ATP10D: variants seen among roughly 807,000 people sequenced by gnomAD.
The protein encoded by ATP10D is ATPase phospholipid transporting 10D (putative).
ATP10D carries 89 observed loss-of-function variants against 144.8 expected under a neutral mutation model. The ratio of observed to expected loss-of-function variants is 0.61; its 90% CI spans 0.52 to 0.73. The LOEUF is 0.73. ATP10D is among the 30% of genes least tolerant of loss of function. ATP10D has a pLI of 0.00. For missense variants in ATP10D, 1,603 were observed against 1,714.8 expected, an observed-to-expected ratio of 0.93 and a Z score of 1.15; for synonymous variants, 571 against 615.1, an observed-to-expected ratio of 0.93 and a Z score of 1.06.
rs548073429 is a variant in ATP10D at position 47,522,870 on chromosome 4, C to T, written c.486-142C>T. 3,037 of 712,916 alleles carry T rather than the reference C, an allele frequency of 4.3e-3. 49 individuals carry two copies. Among genetic ancestry groups the T allele is most frequent in the Admixed American group, 0.042 (1,425 of 34,010 alleles). The allele number at this position is 712,916 out of a possible 1,614,324, so 44.2% of individuals were successfully genotyped here. On this transcript the variant is annotated intron_variant, in intron 3 of 22. Coordinates refer to ENST00000273859, the MANE Select transcript of ATP10D (RefSeq NM_020453.4). ...AGGCGTGAGCCAACTTGCCTGGCCC[C>T]TTTGAGCATTTAATAGATTAAAATT...
intron 1 of ATP10D, among the ~76,000 whole-genome samples, chr4:47,504,842 ATTC>A (rs1715934650): frequency 6.6e-6 from 1 of 152,230 alleles, no homozygotes; most frequent in East Asian, 1.9e-4. Context: ...TTCCTATCTT[ATTC>A]TTAGAAATCC....
intron 7 of ATP10D, 99 bp from the exon 8 acceptor site, chr4:47,536,338 C>A: frequency 1.4e-6 from 2 of 1,448,812 alleles, no homozygotes; most frequent in Non-Finnish European, 9.4e-7. Context: ...GATGTCCAAC[C>A]AAAATGAATA....
At chr4:47,542,856 G>A (rs944932614) in intron 9 of ATP10D, among the ~76,000 whole-genome samples, 59 of 152,176 alleles carry the variant, frequency 3.9e-4, no homozygotes, top group African/African-American at 1.3e-3. Flanking sequence ...TTTTGCAATT[G>A]TACTGACTGA....
At position 47,592,401 on chromosome 4, in the gene ATP10D, G is replaced by C. The variant is rs971725115; in HGVS notation, c.*1020G>C. The C allele has an allele frequency of 2.0e-5, 3 of 152,558 alleles. No homozygotes were observed. The highest frequency in any genetic ancestry group is 4.4e-5 in the Non-Finnish European group (3 of 68,006). The allele number at this position is 152,558 out of a possible 1,614,324, so 9.5% of individuals were successfully genotyped here. On this transcript the variant is annotated 3_prime_UTR_variant, in exon 23 of 23. Transcript: ENST00000273859. ...CAAGTTGTTCTCTGGAGGTTTCTAT[G>C]AGGTTCTTAGAAAAATTTGGTTTTA...
intron 2 of ATP10D, among the ~76,000 whole-genome samples, chr4:47,513,600 G>A (rs1373124507): frequency 6.6e-6 from 1 of 152,174 alleles, no homozygotes; most frequent in Admixed American, 6.5e-5. Context: ...GGAGGAAGGA[G>A]TATGAATAAT....
intron 9 of ATP10D, among the ~76,000 whole-genome samples, chr4:47,543,562 G>C (rs1384505546): frequency 6.6e-6 from 1 of 152,126 alleles, no homozygotes; most frequent in Non-Finnish European, 1.5e-5. Flanking sequence ...ACCCCCAGGG[G>C]ACAAATTCAC....
At chr4:47,520,603 C>T (rs779121035) in intron 3 of ATP10D, among the ~76,000 whole-genome samples, 3 of 151,904 alleles carry the variant, frequency 2.0e-5, no homozygotes, top group African/African-American at 4.8e-5. Context: ...CTTGCTCTGT[C>T]TCAAAAACAG....
At chr4:47,507,614 A>T (rs531206857) in intron 1 of ATP10D, among the ~76,000 whole-genome samples, 11 of 152,334 alleles carry the variant, frequency 7.2e-5, no homozygotes, top group Admixed American at 2.6e-4. Flanking sequence ...GGATGTCTTT[A>T]TGTTCTTTTC....
chr4:47,492,831 A>G (rs931216895), intron 1 of ATP10D, among the ~76,000 whole-genome samples: 1 of 152,168 alleles, frequency 6.6e-6, no homozygotes, highest in African/African-American at 2.4e-5. Flanking sequence ...TCTTCATCAC[A>G]TATCCAGTAA....
chr4:47,577,542 G>A (rs1405763643), intron 19 of ATP10D, among the ~76,000 whole-genome samples: 2 of 84,516 alleles, frequency 2.4e-5, no homozygotes, highest in South Asian at 3.6e-4. Flanking sequence ...AAGATAATAC[G>A]GTACAACTTC....
intron 1 of ATP10D, among the ~76,000 whole-genome samples, chr4:47,504,771 G>A (rs7692584): frequency 0.18 from 27,292 of 152,078 alleles, 3,178 homozygotes; most frequent in East Asian, 0.62. Flanking sequence ...CACCGTGTTA[G>A]CCAAAATGGT....
At chr4:47,524,696 T>C (rs1717142769) in intron 4 of ATP10D, among the ~76,000 whole-genome samples, 1 of 152,210 alleles carries the variant, frequency 6.6e-6, no homozygotes, top group African/African-American at 2.4e-5. Context: ...CCTCTTTGTG[T>C]CTCTTTCCTC....
At chr4:47,493,694 C>T (rs2109382229) in intron 1 of ATP10D, among the ~76,000 whole-genome samples, 1 of 152,284 alleles carries the variant, frequency 6.6e-6, no homozygotes, top group African/African-American at 2.4e-5. Context: ...GTGTGGCCCC[C>T]AGAGTAGGCC....
At chr4:47,544,044 TA>T (rs35146496) in intron 9 of ATP10D, among the ~76,000 whole-genome samples, 35,695 of 152,074 alleles carry the variant, frequency 0.23, 4,182 homozygotes, top group Admixed American at 0.3. Flanking sequence ...GGCCATGTGT[TA>T]AAAATTGGCC....
At chr4:47,552,253 G>T (rs1718764676) in intron 10 of ATP10D, among the ~76,000 whole-genome samples, 1 of 152,154 alleles carries the variant, frequency 6.6e-6, no homozygotes, top group Non-Finnish European at 1.5e-5. Flanking sequence ...GCAGCCATCG[G>T]ATTCCCTGAA....
chr4:47,584,101 A>G lies in ATP10D; in HGVS notation c.3753+2037A>G, dbSNP rs190586776. Among the ~76,000 whole-genome samples, 254 of 152,292 alleles carry G rather than the reference A, an allele frequency of 1.7e-3. 1 individual carries two copies. Among genetic ancestry groups the G allele is most frequent in the Non-Finnish European group, 1.7e-3 (118 of 68,002 alleles). On this transcript the variant is annotated intron_variant, in intron 21 of 22. Coordinates refer to ENST00000273859, the MANE Select transcript of ATP10D (RefSeq NM_020453.4). ...AAGATAAACAGAGACTGCTGTTTAA[A>G]GGATGCATCATTAGAGAATTGTTTC... is the stretch of plus-strand genomic sequence containing the variant.
At chr4:47,531,592 A>G (rs1307893710) in intron 5 of ATP10D, among the ~76,000 whole-genome samples, 1 of 152,190 alleles carries the variant, frequency 6.6e-6, no homozygotes, top group African/African-American at 2.4e-5. Flanking sequence ...AAGTCCTTCC[A>G]TGGAAATTTT....
At chr4:47,542,620 G>GGC (rs1269210742) in intron 9 of ATP10D, among the ~76,000 whole-genome samples, 1 of 152,020 alleles carries the variant, frequency 6.6e-6, no homozygotes, top group Non-Finnish European at 1.5e-5. Flanking sequence ...TGGGATTACA[G>GGC]GTGCCCGCCA....
intron 21 of ATP10D, among the ~76,000 whole-genome samples, chr4:47,584,518 G>A (rs1249679217): frequency 6.6e-6 from 1 of 151,752 alleles, no homozygotes; most frequent in Non-Finnish European, 1.5e-5. Context: ...TCAGCCTCCC[G>A]AGTAGCTGGG....
Sources: gnomAD v4.1 joint callset for allele counts (sites outside exome capture counted in the v4.1 genomes callset) on GRCh38, gnomAD v4.1.1 for gene constraint, MANE v1.5 for transcripts, NCBI Gene and HGNC (gene_info 2026-07-23, HGNC 2026-07-21) for gene names.